The following CHCHD3 variants were observed in gnomAD, a reference collection of about 807,000 sequenced individuals.
The protein encoded by CHCHD3 is MICOS complex subunit MIC19.
CHCHD3 carries 20 observed loss-of-function variants against 38.2 expected under a neutral mutation model. The ratio of observed to expected loss-of-function variants is 0.52; its 90% CI spans 0.37 to 0.76. CHCHD3 has a LOEUF of 0.76. CHCHD3 is among the 30% of genes least tolerant of loss of function. CHCHD3 has a pLI of 0.00. For missense variants in CHCHD3, 245 were observed against 279.2 expected (o/e 0.88, Z 0.87); for synonymous variants, 82 against 100.0 (o/e 0.82, Z 1.07).
At chr7:132,984,456 C>G (rs1373681381) in intron 3 of CHCHD3, among the ~76,000 whole-genome samples, 2 of 148,960 alleles carry the variant, frequency 1.3e-5, no homozygotes, top group South Asian at 4.3e-4. Context: ...CGCAAAGTGC[C>G]GAGATTGCAG....
At chr7:132,802,524 C>G (rs1291519760) in intron 6 of CHCHD3, among the ~76,000 whole-genome samples, 2 of 152,012 alleles carry the variant, frequency 1.3e-5, no homozygotes, top group African/African-American at 4.8e-5. Flanking sequence ...GAATGAGGGT[C>G]CCCAGTTTTG....
chr7:132,995,173 T>C (rs1306690360), intron 3 of CHCHD3, among the ~76,000 whole-genome samples: 2 of 152,238 alleles, frequency 1.3e-5, no homozygotes, highest in African/African-American at 4.8e-5. Flanking sequence ...TTTACTGTCA[T>C]TTTAGGATAA....
chr7:132,846,831 A>C (rs1263616045), intron 5 of CHCHD3, among the ~76,000 whole-genome samples: 1 of 152,244 alleles, frequency 6.6e-6, no homozygotes, highest in Non-Finnish European at 1.5e-5. Flanking sequence ...TATCTACTAC[A>C]AATTGACAAA....
At chr7:132,838,498 T>A (rs774650846) in intron 5 of CHCHD3, 29 bp from the exon 6 acceptor site, 15 of 1,516,028 alleles carry the variant, frequency 9.9e-6, no homozygotes, top group Non-Finnish European at 1.4e-5. Flanking sequence ...AGCAAAGGTT[T>A]CACTATCCAA....
At chr7:132,846,733 C>A (rs1220309790) in intron 5 of CHCHD3, among the ~76,000 whole-genome samples, 1 of 152,066 alleles carries the variant, frequency 6.6e-6, no homozygotes. Flanking sequence ...AACTGTTGCT[C>A]ATATTTAAAA....
At chr7:132,851,393 C>CA (rs1808215400) in intron 5 of CHCHD3, among the ~76,000 whole-genome samples, 2 of 152,104 alleles carry the variant, frequency 1.3e-5, no homozygotes, top group Admixed American at 1.3e-4. Context: ...TCATTTATCG[C>CA]AAATATAAGG....
intron 3 of CHCHD3, among the ~76,000 whole-genome samples, chr7:133,017,406 T>C (rs1356362646): frequency 6.6e-6 from 1 of 152,186 alleles, no homozygotes; most frequent in Non-Finnish European, 1.5e-5. Context: ...ATGCAAGGAA[T>C]AATAAATGAC....
intron 4 of CHCHD3, among the ~76,000 whole-genome samples, chr7:132,965,052 G>A (rs1310149278): frequency 2.0e-5 from 2 of 98,036 alleles, no homozygotes; most frequent in African/African-American, 3.4e-5. Flanking sequence ...ATAATGCTAT[G>A]GGTTTTATGT....
At chr7:133,080,567 T>A (rs1482181492) in intron 1 of CHCHD3, among the ~76,000 whole-genome samples, 1 of 152,212 alleles carries the variant, frequency 6.6e-6, no homozygotes, top group Non-Finnish European at 1.5e-5. Context: ...AGTCTTAAAA[T>A]CTCTGCATAA....
At chr7:133,045,932 C>G (rs1193068777) in intron 2 of CHCHD3, among the ~76,000 whole-genome samples, 2 of 152,102 alleles carry the variant, frequency 1.3e-5, no homozygotes, top group Non-Finnish European at 2.9e-5. Flanking sequence ...TTCCCAAAGC[C>G]TCCCCAGAAG....
intron 4 of CHCHD3, among the ~76,000 whole-genome samples, chr7:132,960,823 A>G (rs1188972361): frequency 6.6e-6 from 1 of 152,082 alleles, no homozygotes; most frequent in Non-Finnish European, 1.5e-5. Flanking sequence ...CTAAAAATAC[A>G]AAAAATTCAC....
At chr7:132,969,128 G>A (rs1811547211) in intron 4 of CHCHD3, among the ~76,000 whole-genome samples, 1 of 149,716 alleles carries the variant, frequency 6.7e-6, no homozygotes, top group South Asian at 2.2e-4. Flanking sequence ...CTAAATTTAT[G>A]CATTCACCCA....
chr7:132,836,985 G>C (rs1807801127), intron 6 of CHCHD3, among the ~76,000 whole-genome samples: 2 of 152,066 alleles, frequency 1.3e-5, no homozygotes, highest in African/African-American at 2.4e-5. Flanking sequence ...CAGTCTTTCT[G>C]ACTCAAGACA....
At chr7:132,970,272 T>G (rs1183469129) in intron 4 of CHCHD3, among the ~76,000 whole-genome samples, 1 of 152,134 alleles carries the variant, frequency 6.6e-6, no homozygotes, top group Non-Finnish European at 1.5e-5. Context: ...ACTTCAAGAG[T>G]CAGCTCAGGG....
At position 133,068,126 on chromosome 7, in the gene CHCHD3, A is replaced by T. The variant is rs1455645196; in HGVS notation, c.169+2016T>A. On this transcript the variant is annotated intron_variant, in intron 2 of 7. Coordinates refer to ENST00000262570, the MANE Select transcript of CHCHD3 (RefSeq NM_017812.4). The stretch of plus-strand genomic sequence containing the variant: ...GAGACTCCATCTCAAAAGAAAAAAA[A>T]AAATAAAAACGTGGCTTATTTATTT... Among the ~76,000 whole-genome samples, 5 of 152,302 alleles carry T rather than the reference A, an allele frequency of 3.3e-5. No homozygotes were observed. The East Asian group carries it at 5.8e-4, about 18-fold the overall frequency.
chr7:132,932,062 T>C (rs1810527438), intron 4 of CHCHD3, among the ~76,000 whole-genome samples: 1 of 152,188 alleles, frequency 6.6e-6, no homozygotes, highest in African/African-American at 2.4e-5. Flanking sequence ...AGACCCACTA[T>C]GGACACTGCA....
Position 132,985,889 on chromosome 7 carries a change from C to T in CHCHD3, c.252-10603G>A, listed in dbSNP as rs1020488226. Among the ~76,000 whole-genome samples, 33 of 120,880 alleles carry T rather than the reference C, an allele frequency of 2.7e-4. 1 individual carries two copies. The highest frequency in any genetic ancestry group is 5.1e-4 in the Non-Finnish European group (28 of 54,540). The allele number at this position is 120,880 out of a possible 152,430, so 79.3% of individuals were successfully genotyped here. Reference sequence around the variant, plus strand: ...GGAGCCCCTCTGCCCGGCCACCACCCCGTCTGGGAGGTGTACTCAACAGCT... The same window carrying T: ...GGAGCCCCTCTGCCCGGCCACCACCTCGTCTGGGAGGTGTACTCAACAGCT... On this transcript the variant is annotated intron_variant, in intron 3 of 7. Coordinates refer to ENST00000262570, the MANE Select transcript of CHCHD3 (RefSeq NM_017812.4).
At chr7:132,874,394 T>C (rs1173773848) in intron 5 of CHCHD3, among the ~76,000 whole-genome samples, 3 of 152,202 alleles carry the variant, frequency 2.0e-5, no homozygotes, top group Non-Finnish European at 4.4e-5. Context: ...GCAAGTCCTA[T>C]AGATTCTTTC....
At chr7:132,929,183 T>A (rs1457177022) in intron 4 of CHCHD3, among the ~76,000 whole-genome samples, 1 of 152,242 alleles carries the variant, frequency 6.6e-6, no homozygotes, top group African/African-American at 2.4e-5. Context: ...TTCAACACTA[T>A]TTTTTATTAT....
Sources: gnomAD v4.1 joint callset for allele counts (sites outside exome capture counted in the v4.1 genomes callset) on GRCh38, gnomAD v4.1.1 for gene constraint, MANE v1.5 for transcripts, NCBI Gene and HGNC (gene_info 2026-07-23, HGNC 2026-07-21) for gene names.